PDZRN4: variants seen among roughly 807,000 people sequenced by gnomAD.
PDZRN4 encodes PDZ domain containing ring finger 4, also known as PDZ domain-containing RING finger protein 4.
A neutral mutation model predicts 99.0 loss-of-function variants in PDZRN4; 70 were observed. The observed-to-expected ratio is 0.71, with a 90% confidence interval of 0.58 to 0.86. The LOEUF (loss-of-function observed/expected upper bound fraction) is 0.86. Among genes scored for constraint, PDZRN4 ranks in the 40% least tolerant of loss-of-function variants. The probability of loss-of-function intolerance (pLI) is 0.00; values close to 1 mark genes in which losing one functional copy is unlikely to be tolerated. For synonymous variants in PDZRN4, 551 were observed against 501.6 expected (o/e 1.10, Z -1.32); for missense variants, 1,474 against 1,331.2 (o/e 1.11, Z -1.67).
At chr12:41,462,889 A>G (rs190921641) in intron 3 of PDZRN4, among the ~76,000 whole-genome samples, 8 of 152,310 alleles carry the variant, frequency 5.3e-5, no homozygotes, top group Admixed American at 5.2e-4. Context: ...TGAGATGTGT[A>G]AAAGGAATTG....
At chr12:41,519,664 G>T (rs995269935) in intron 5 of PDZRN4, among the ~76,000 whole-genome samples, 1 of 151,976 alleles carries the variant, frequency 6.6e-6, no homozygotes, top group African/African-American at 2.4e-5. Flanking sequence ...AATGAGGAAC[G>T]TGAGGGGTCT....
intron 3 of PDZRN4, among the ~76,000 whole-genome samples, chr12:41,462,097 T>G (rs894184489): frequency 6.6e-6 from 1 of 152,238 alleles, no homozygotes; most frequent in Non-Finnish European, 1.5e-5. Flanking sequence ...GTAGTTCAGC[T>G]TGCTTTCTAA....
At chr12:41,355,647 C>T (rs568919052) in intron 3 of PDZRN4, among the ~76,000 whole-genome samples, 1 of 152,126 alleles carries the variant, frequency 6.6e-6, no homozygotes, top group South Asian at 2.1e-4. Flanking sequence ...AACATTGATA[C>T]TGTATTAAAC....
chr12:41,235,580 AAAAGCATGTGGGCCCAG>A (rs1444903239), intron 3 of PDZRN4, among the ~76,000 whole-genome samples: 1 of 152,192 alleles, frequency 6.6e-6, no homozygotes, highest in Non-Finnish European at 1.5e-5. Flanking sequence ...AAGTTAATTT[AAAAGCATGTGGGCCCAG>A]AAATGCTAGA....
chr12:41,233,003 G>A (rs941861314), intron 3 of PDZRN4, among the ~76,000 whole-genome samples: 1 of 151,892 alleles, frequency 6.6e-6, no homozygotes, highest in African/African-American at 2.4e-5. Context: ...ATTTCTGAGG[G>A]CTCTGTTCTG....
At chr12:41,217,824 G>T (rs898628513) in intron 3 of PDZRN4, among the ~76,000 whole-genome samples, 3 of 151,870 alleles carry the variant, frequency 2.0e-5, no homozygotes, top group Non-Finnish European at 2.9e-5. Flanking sequence ...TTCCCAGTTT[G>T]CAGAGTTCCG....
intron 3 of PDZRN4, among the ~76,000 whole-genome samples, chr12:41,461,652 G>T (rs1176209095): frequency 6.6e-6 from 1 of 152,080 alleles, no homozygotes; most frequent in East Asian, 1.9e-4. Flanking sequence ...TTGGGATCAA[G>T]ATTGATATGA....
rs766776015 is a variant in PDZRN4 at position 41,188,768 on chromosome 12, G to C, written c.313G>C (p.Asp105His). ...HELEAHVEHCDFGPARRLRSR... is the reference protein window; with the variant it reads ...HELEAHVEHCHFGPARRLRSR... ...GCTGGAGGCGCACGTCGAGCACTGC[G>C]ACTTCGGCCCTGCCCGCCGGCTCCG... Residue 105 changes from aspartate to histidine, a missense_variant, in exon 1 of 10, where the codon GAC becomes CAC. Physicochemically the swap from Asp to His is moderately conservative, Grantham distance 81. Transcript: ENST00000402685. 2 of 1,434,418 alleles carry C rather than the reference G, an allele frequency of 1.4e-6. No homozygotes were observed. The highest frequency in any genetic ancestry group is 2.7e-5 in the Admixed American group (1 of 37,328). The allele number at this position is 1,434,418 out of a possible 1,614,324, so 88.9% of individuals were successfully genotyped here.
chr12:41,415,263 A>G (rs1259008256), intron 3 of PDZRN4, among the ~76,000 whole-genome samples: 1 of 151,668 alleles, frequency 6.6e-6, no homozygotes, highest in Non-Finnish European at 1.5e-5. Flanking sequence ...AAATGTAGAC[A>G]TATGGGTGGA....
At chr12:41,224,977 T>C (rs1336134274) in intron 3 of PDZRN4, among the ~76,000 whole-genome samples, 1 of 152,074 alleles carries the variant, frequency 6.6e-6, no homozygotes, top group Non-Finnish European at 1.5e-5. Flanking sequence ...TAAATCATAA[T>C]ACCTGGCCTG....
intron 3 of PDZRN4, among the ~76,000 whole-genome samples, chr12:41,247,787 G>T (rs757710074): frequency 6.6e-6 from 1 of 152,084 alleles, no homozygotes; most frequent in South Asian, 2.1e-4. Flanking sequence ...AATAGCATTT[G>T]TGCTTAGGGT....
At chr12:41,242,153 A>C (rs1333347788) in intron 3 of PDZRN4, among the ~76,000 whole-genome samples, 1 of 152,216 alleles carries the variant, frequency 6.6e-6, no homozygotes, top group African/African-American at 2.4e-5. Context: ...CTCTGTGATG[A>C]AAGTGTCAGC....
intron 3 of PDZRN4, among the ~76,000 whole-genome samples, chr12:41,211,387 C>T (rs986156997): frequency 1.3e-4 from 20 of 151,870 alleles, no homozygotes; most frequent in Admixed American, 1.3e-3. Flanking sequence ...AAAGGAGGTT[C>T]TTATCTCTTT....
rs33919115 is a variant in PDZRN4, at chr12:41,317,048, G to GTATATATATATATATA, written c.843+122871_843+122886dup. On this transcript the variant is annotated intron_variant, in intron 3 of 9. Transcript: ENST00000402685. Reference sequence around the variant, plus strand: ...TCCAGAGAATCATAACTTACATAAAGTATATATATATATATATATATATAT... The same window carrying GTATATATATATATATA: ...TCCAGAGAATCATAACTTACATAAAGTATATATATATATATATATATATATATATATATATATATAT... 9.8e-4 allele frequency among the ~76,000 whole-genome samples: 68 copies of GTATATATATATATATA among 69,576 alleles called. 1 individual carries two copies. The highest frequency in any genetic ancestry group is 1.6e-3 in the Non-Finnish European group (45 of 28,574). 45.6% of individuals were successfully genotyped at this position (69,576 alleles called of 152,430 possible).
chr12:41,452,449 A>G (rs5007225), intron 3 of PDZRN4, among the ~76,000 whole-genome samples: 3 of 141,812 alleles, frequency 2.1e-5, no homozygotes, highest in Admixed American at 7.0e-5. Flanking sequence ...AAAAAAAAAA[A>G]AAAGAAAGAA....
intron 3 of PDZRN4, among the ~76,000 whole-genome samples, chr12:41,228,843 C>G (rs987875120): frequency 1.3e-5 from 2 of 151,950 alleles, no homozygotes; most frequent in Admixed American, 1.3e-4. Context: ...TTCTCAAACT[C>G]TTTGTGTTTT....
chr12:41,401,195 C>G (rs987177622), intron 3 of PDZRN4, among the ~76,000 whole-genome samples: 1 of 152,086 alleles, frequency 6.6e-6, no homozygotes, highest in African/African-American at 2.4e-5. Context: ...AAAATACCCA[C>G]GAAGATACAA....
At chr12:41,285,169 CA>C (rs901486585) in intron 3 of PDZRN4, among the ~76,000 whole-genome samples, 2 of 150,732 alleles carry the variant, frequency 1.3e-5, no homozygotes, top group Admixed American at 6.6e-5. Context: ...AGAAAAAAAA[CA>C]AAAAACCCCA....
At chr12:41,565,775 A>G (rs966665971) in intron 8 of PDZRN4, among the ~76,000 whole-genome samples, 1 of 152,014 alleles carries the variant, frequency 6.6e-6, no homozygotes, top group East Asian at 1.9e-4. Flanking sequence ...TTTCTGTCCT[A>G]TTTCCCTCAG....
Sources: allele counts gnomAD v4.1 joint callset (sites outside exome capture counted in the v4.1 genomes callset), GRCh38; gene constraint gnomAD v4.1.1; transcripts MANE v1.5; gene names NCBI Gene and HGNC (gene_info 2026-07-23, HGNC 2026-07-21).